The following EXOC4 variants were observed in gnomAD, a reference collection of about 807,000 sequenced individuals.
EXOC4 encodes the protein exocyst complex component 4, also known as SEC8-like 1.
Under a neutral mutation model 107.2 loss-of-function variants are expected in EXOC4, and 71 were observed. The ratio of observed to expected loss-of-function variants is 0.66; its 90% CI spans 0.55 to 0.81. The LOEUF is 0.81. Among genes scored for constraint, EXOC4 ranks in the 30% least tolerant of loss-of-function variants. EXOC4 has a pLI of 0.00. For synonymous variants in EXOC4, 456 were observed against 441.2 expected (o/e 1.03, Z -0.42); for missense variants, 1,108 against 1,189.6 (o/e 0.93, Z 1.01).
At chr7:134,065,869 C>T (rs969644565), downstream of EXOC4, 1 of 152,212 alleles carries the variant, frequency 6.6e-6, no homozygotes, top group Admixed American at 6.5e-5. Context: ...ATGAAGAGGA[C>T]ACCCTTATTA....
At chr7:133,471,082 A>G (rs1798863997) in intron 7 of EXOC4, among the ~76,000 whole-genome samples, 2 of 152,276 alleles carry the variant, frequency 1.3e-5, no homozygotes, top group South Asian at 2.1e-4. Context: ...AATTTCAGGT[A>G]TCCTAGAAAT....
At chr7:133,523,189 G>C (rs1359342771) in intron 9 of EXOC4, among the ~76,000 whole-genome samples, 1 of 152,178 alleles carries the variant, frequency 6.6e-6, no homozygotes, top group East Asian at 1.9e-4. Context: ...AGAAAGAAAA[G>C]TTTAAAGCTC....
At chr7:133,754,682 A>G (rs892101882) in intron 10 of EXOC4, among the ~76,000 whole-genome samples, 5 of 152,218 alleles carry the variant, frequency 3.3e-5, no homozygotes, top group African/African-American at 1.2e-4. Context: ...AGCTATGCAT[A>G]TGTACTGTTT....
chr7:133,525,312 A>T (rs1014082492), intron 9 of EXOC4, among the ~76,000 whole-genome samples: 2 of 152,156 alleles, frequency 1.3e-5, no homozygotes, highest in Non-Finnish European at 2.9e-5. Flanking sequence ...TCCTGTTGAG[A>T]TCAGCTAGGC....
chr7:133,705,644 A>G (rs1469174104), intron 10 of EXOC4, among the ~76,000 whole-genome samples: 1 of 152,308 alleles, frequency 6.6e-6, no homozygotes, highest in Non-Finnish European at 1.5e-5. Flanking sequence ...TGGGGCCATT[A>G]TTAAGTAAAA....
intron 13 of EXOC4, among the ~76,000 whole-genome samples, chr7:133,929,950 A>C (rs1336025622): frequency 6.6e-6 from 1 of 152,132 alleles, no homozygotes; most frequent in East Asian, 1.9e-4. Context: ...TGCTCTGAAC[A>C]GATTTCAATT....
chr7:133,950,141 G>A (rs1800656374), intron 14 of EXOC4, among the ~76,000 whole-genome samples: 1 of 152,178 alleles, frequency 6.6e-6, no homozygotes, highest in Non-Finnish European at 1.5e-5. Flanking sequence ...AAGGCAAGGA[G>A]AGTATTATCA....
intron 5 of EXOC4, 104 bp from the exon 6 acceptor site, chr7:133,356,226 C>A: frequency 8.7e-7 from 1 of 1,150,580 alleles, no homozygotes; most frequent in Non-Finnish European, 1.2e-6. Flanking sequence ...CTCTTTAATT[C>A]TTTAAGAGAG....
At chr7:133,476,947 A>G (rs1799028894) in intron 8 of EXOC4, among the ~76,000 whole-genome samples, 1 of 129,332 alleles carries the variant, frequency 7.7e-6, no homozygotes, top group Admixed American at 8.5e-5. Flanking sequence ...CAGTAAAGAC[A>G]GTGTGGGCAA....
At chr7:133,473,828 G>A (rs1033662032) in intron 7 of EXOC4, among the ~76,000 whole-genome samples, 1 of 151,936 alleles carries the variant, frequency 6.6e-6, no homozygotes, top group Non-Finnish European at 1.5e-5. Context: ...AGCCTCCTGA[G>A]TAGCTGGGAC....
chr7:133,861,879 G>A (rs1798541227), intron 11 of EXOC4, among the ~76,000 whole-genome samples: 1 of 152,162 alleles, frequency 6.6e-6, no homozygotes, highest in Non-Finnish European at 1.5e-5. Context: ...TCTGTTGAAG[G>A]TGTTTCCTGG....
At chr7:133,876,804 T>C (rs369597646) in intron 11 of EXOC4, among the ~76,000 whole-genome samples, 1 of 152,242 alleles carries the variant, frequency 6.6e-6, no homozygotes, top group Admixed American at 6.5e-5. Context: ...CTCATTTCTT[T>C]CTTTCTTTTT....
In EXOC4 at chr7:133,608,404, G is replaced by A. The variant is rs1011457772; in HGVS notation, c.1418-21641G>A. Among the ~76,000 whole-genome samples the A allele has an allele frequency of 1.2e-4, 18 of 151,956 alleles. 1 individual carries two copies. Among genetic ancestry groups the A allele is most frequent in the South Asian group, 6.2e-4 (3 of 4,812 alleles). On this transcript the variant is annotated intron_variant, in intron 9 of 17. Coordinates refer to ENST00000253861, the MANE Select transcript of EXOC4 (RefSeq NM_021807.4). The stretch of plus-strand genomic sequence containing the variant: ...ACTGAACACTATTAGAGATTTAGGC[G>A]TTATACTGAAATAGGATTAAAAAAA...
At chr7:133,442,093 G>C (rs1798118167) in intron 7 of EXOC4, among the ~76,000 whole-genome samples, 1 of 152,190 alleles carries the variant, frequency 6.6e-6, no homozygotes, top group African/African-American at 2.4e-5. Flanking sequence ...CAAACCATTA[G>C]AGGTTTTTTG....
intron 4 of EXOC4, among the ~76,000 whole-genome samples, chr7:133,313,718 T>C (rs1006543553): frequency 1.3e-5 from 2 of 152,200 alleles, no homozygotes; most frequent in African/African-American, 4.8e-5. Context: ...ATCTAACATT[T>C]AGAAGCAGAG....
At chr7:133,688,478 T>A (rs957254438) in intron 10 of EXOC4, among the ~76,000 whole-genome samples, 1 of 152,182 alleles carries the variant, frequency 6.6e-6, no homozygotes, top group Admixed American at 6.6e-5. Context: ...GATGATTATT[T>A]TTCTTTTGGG....
At chr7:133,697,340 G>A (rs548446240) in intron 10 of EXOC4, among the ~76,000 whole-genome samples, 1 of 152,220 alleles carries the variant, frequency 6.6e-6, no homozygotes, top group African/African-American at 2.4e-5. Context: ...TAAGGAATGG[G>A]AAGGCACTTC....
At chr7:133,651,724 G>T (rs148583362) in intron 10 of EXOC4, among the ~76,000 whole-genome samples, 1 of 152,040 alleles carries the variant, frequency 6.6e-6, no homozygotes, top group Non-Finnish European at 1.5e-5. Context: ...TTGCTCTGTC[G>T]CCCAAGCTAG....
At chr7:133,598,480 T>C (rs1216678904) in intron 9 of EXOC4, among the ~76,000 whole-genome samples, 2 of 152,196 alleles carry the variant, frequency 1.3e-5, no homozygotes, top group Non-Finnish European at 2.9e-5. Context: ...GTTCTTAAAA[T>C]GTGGCTAATG....
Sources: gnomAD v4.1 joint callset for allele counts (sites outside exome capture counted in the v4.1 genomes callset) on GRCh38, gnomAD v4.1.1 for gene constraint, MANE v1.5 for transcripts, NCBI Gene and HGNC (gene_info 2026-07-23, HGNC 2026-07-21) for gene names.